The following APPL1 variants were observed in gnomAD, a reference collection of about 807,000 sequenced individuals.
APPL1 encodes the protein adaptor protein, phosphotyrosine interacting with PH domain and leucine zipper 1.
A neutral mutation model predicts 106.8 loss-of-function variants in APPL1; 42 were observed. The ratio of observed to expected loss-of-function variants is 0.39; its 90% CI spans 0.31 to 0.51. APPL1 has a LOEUF of 0.51. Among genes scored for constraint, APPL1 ranks in the 20% least tolerant of loss-of-function variants. The probability of loss-of-function intolerance (pLI) is 0.75; values close to 1 mark genes in which losing one functional copy is unlikely to be tolerated. For missense variants in APPL1, 769 were observed against 858.2 expected (o/e 0.90, Z 1.30); for synonymous variants, 263 against 281.8 (o/e 0.93, Z 0.67).
intron 1 of APPL1, among the ~76,000 whole-genome samples, chr3:57,229,021 C>G (rs2060670127): frequency 6.6e-6 from 1 of 152,162 alleles, no homozygotes. Flanking sequence ...TGAAATGGGG[C>G]TCTGATTGTA....
At position 57,260,864 on chromosome 3, in the gene APPL1, ATTAG is replaced by A. The variant is rs201307333; in HGVS notation, c.1842+96_1842+99del. ...TAATAATTAAATTCTTACAAATTAAATTAGTTAGTAATTACTGATTGAATTCTTT... is the reference window on the plus strand; with the variant it reads ...TAATAATTAAATTCTTACAAATTAAATTAGTAATTACTGATTGAATTCTTT... On this transcript the variant is annotated intron_variant, in intron 19 of 21. Coordinates refer to ENST00000288266, the MANE Select transcript of APPL1 (RefSeq NM_012096.3). 12,032 of 876,376 alleles carry A rather than the reference ATTAG, an allele frequency of 0.014. 138 individuals are homozygous for A. Among genetic ancestry groups the A allele is most frequent in the African/African-American group, 0.053 (3,316 of 62,850 alleles). The allele number at this position is 876,376 out of a possible 1,614,324, so 54.3% of individuals were successfully genotyped here.
intron 8 of APPL1, among the ~76,000 whole-genome samples, chr3:57,246,752 G>C (rs1053685346): frequency 6.6e-6 from 1 of 151,956 alleles, no homozygotes; most frequent in African/African-American, 2.4e-5. Context: ...GCCTATAATC[G>C]AGCACTTTGG....
chr3:57,229,249 G>A (rs2060671775), intron 1 of APPL1, among the ~76,000 whole-genome samples: 1 of 152,008 alleles, frequency 6.6e-6, no homozygotes, highest in Non-Finnish European at 1.5e-5. Context: ...TTGTGGAATT[G>A]GTCAGGTGTA....
At chr3:57,250,804 C>CTTTTTTTTTTTTTTTTTTTTTT (rs71088045) in intron 11 of APPL1, among the ~76,000 whole-genome samples, 1 of 110,286 alleles carries the variant, frequency 9.1e-6, no homozygotes, top group African/African-American at 3.2e-5. Context: ...AACTTTCTTT[C>CTTTTTTTTTTTTTTTTTTTTTT]TTTTTTTTTT....
chr3:57,257,221 C>T (rs370028057), intron 14 of APPL1, 25 bp from the exon 15 acceptor site: 1 of 1,591,608 alleles, frequency 6.3e-7, no homozygotes, highest in African/African-American at 1.4e-5. Context: ...AAATTAAATG[C>T]AATGCCTTCT....
chr3:57,247,626 G>GTT lies in APPL1; in HGVS notation c.704+157_704+158dup, dbSNP rs555998473. 7.3e-6 allele frequency: 4 copies of GTT among 549,350 alleles called. No individual in the cohort carries two copies. In the East Asian group the frequency reaches 1.3e-4, roughly 18 times the overall value. The allele number at this position is 549,350 out of a possible 1,614,324, so 34.0% of individuals were successfully genotyped here. On this transcript the variant is annotated intron_variant, in intron 9 of 21. Transcript: ENST00000288266. ...CTTATGTGGTTCATGGTTACTTCTT[G>GTT]TTTTTTTTTAACCTCTTTTTTCCAC...
intron 18 of APPL1, 53 bp downstream of exon 18, chr3:57,260,206 A>G (rs372074656): frequency 6.6e-7 from 1 of 1,509,050 alleles, no homozygotes; most frequent in African/African-American, 1.4e-5. Context: ...ATATATACAC[A>G]TCTTACAACT....
intron 18 of APPL1, 142 bp downstream of exon 18, chr3:57,260,295 A>G (rs1383074970): frequency 8.3e-6 from 7 of 844,756 alleles, no homozygotes; most frequent in African/African-American, 1.8e-5. Flanking sequence ...AGTTAAGTCT[A>G]TGGCCATCTC....
chr3:57,267,681 C>A, intron 19 of APPL1, 61 bp from the exon 20 acceptor site: 1 of 1,410,000 alleles, frequency 7.1e-7, no homozygotes, highest in Non-Finnish European at 1.0e-6. Flanking sequence ...TATTTGGATA[C>A]TTGACATTTT....
chr3:57,263,885 CCT>C (rs1022498155), intron 19 of APPL1, among the ~76,000 whole-genome samples: 10 of 151,752 alleles, frequency 6.6e-5, no homozygotes, highest in African/African-American at 2.2e-4. Flanking sequence ...ATACTGATTT[CCT>C]TTTTTTAGGT....
chr3:57,242,006 T>C, intron 5 of APPL1, 95 bp from the exon 6 acceptor site: 1 of 863,340 alleles, frequency 1.2e-6, no homozygotes, highest in South Asian at 1.8e-5. Context: ...AATATTATTT[T>C]GAGTTTTAAT....
intron 19 of APPL1, among the ~76,000 whole-genome samples, chr3:57,265,832 T>C (rs958768987): frequency 6.6e-6 from 1 of 152,246 alleles, no homozygotes; most frequent in African/African-American, 2.4e-5. Context: ...TGTGAGTCTG[T>C]CATATATGGC....
At chr3:57,262,813 GGTGTGTGTGTGT>G (rs4060605) in intron 19 of APPL1, among the ~76,000 whole-genome samples, 14 of 142,754 alleles carry the variant, frequency 9.8e-5, no homozygotes, top group East Asian at 2.1e-4. Flanking sequence ...GGGTACAAGG[GGTGTGTGTGTGT>G]GTGTGTGTGT....
intron 5 of APPL1, among the ~76,000 whole-genome samples, chr3:57,241,175 A>T (rs1172557360): frequency 2.0e-5 from 3 of 152,200 alleles, no homozygotes; most frequent in African/African-American, 7.2e-5. Context: ...AGGATGGAAT[A>T]GAGTAGCCTT....
chr3:57,233,510 C>T (rs942062438), intron 1 of APPL1, among the ~76,000 whole-genome samples: 18 of 149,876 alleles, frequency 1.2e-4, no homozygotes, highest in East Asian at 1.9e-4. Flanking sequence ...AAAACAGAAA[C>T]GAAGCGGCAG....
Position 57,257,242 on chromosome 3 carries a change from T to C in APPL1, c.1248-4T>C. On this transcript the variant is annotated splice_polypyrimidine_tract_variant and splice_region_variant and intron_variant, in intron 14 of 21. Transcript: ENST00000288266. The stretch of plus-strand genomic sequence containing the variant: ...AATGCAATGCCTTCTTGTTTTATGC[T>C]TAGACAATCTCGGCCACCGACAGCT... 1 of 1,609,324 alleles carries C rather than the reference T, an allele frequency of 6.2e-7. No individual in the cohort carries two copies. The highest frequency in any genetic ancestry group is 8.5e-7 in the Non-Finnish European group (1 of 1,178,276).
chr3:57,235,617 T>C lies in APPL1; in HGVS notation c.106T>C (p.Tyr36His), dbSNP rs779356223. 1 of 1,613,636 alleles carries C rather than the reference T, an allele frequency of 6.2e-7. No homozygotes were observed. The highest frequency in any genetic ancestry group is 8.5e-7 in the Non-Finnish European group (1 of 1,179,694). Residue 36 changes from tyrosine to histidine, a missense_variant, in exon 2 of 22, where the codon TAT becomes CAT. By Grantham distance (83) the Tyr-to-His change is moderately conservative. Transcript: ENST00000288266. ...FEEDATAISN[Y>H]MNQLYQAMHR... ...AGAAGATGCCACAGCTATTTCCAAC[T>C]ATATGAACCAGTTGTATCAAGCTAT...
At chr3:57,255,477 A>T (rs935152577) in intron 13 of APPL1, among the ~76,000 whole-genome samples, 1 of 152,216 alleles carries the variant, frequency 6.6e-6, no homozygotes, top group Non-Finnish European at 1.5e-5. Flanking sequence ...AAGGGAAGAG[A>T]AGAAGAATTT....
intron 1 of APPL1, among the ~76,000 whole-genome samples, chr3:57,231,338 CAAAAA>C (rs71088043): frequency 8.3e-5 from 6 of 72,232 alleles, no homozygotes; most frequent in South Asian, 6.0e-4. Context: ...GACTCCGTCT[CAAAAA>C]AAAAAAAAAA....
Sources: allele counts gnomAD v4.1 joint callset (sites outside exome capture counted in the v4.1 genomes callset), GRCh38; gene constraint gnomAD v4.1.1; transcripts MANE v1.5; gene names NCBI Gene and HGNC (gene_info 2026-07-23, HGNC 2026-07-21).